The following CHSY3 variants were observed in gnomAD, a reference collection of about 807,000 sequenced individuals.
The protein encoded by CHSY3 is chondroitin sulfate synthase 3.
In CHSY3, 35 loss-of-function variants were observed where a neutral mutation model predicts 67.2. The ratio of observed to expected loss-of-function variants is 0.52; its 90% CI spans 0.40 to 0.69. The LOEUF (loss-of-function observed/expected upper bound fraction) is 0.69. Among genes scored for constraint, CHSY3 ranks in the 30% least tolerant of loss-of-function variants. The pLI, the probability that CHSY3 is intolerant of heterozygous loss-of-function variation, is 0.00. For synonymous variants in CHSY3, 474 were observed against 434.7 expected (o/e 1.09, Z -1.12); for missense variants, 1,069 against 1,138.5 (o/e 0.94, Z 0.88).
chr5:130,068,647 G>GT (rs2149680439), intron 2 of CHSY3, among the ~76,000 whole-genome samples: 1 of 152,192 alleles, frequency 6.6e-6, no homozygotes, highest in South Asian at 2.1e-4. Flanking sequence ...ATAGGAATAA[G>GT]TACCGTATAG....
At chr5:130,094,241 G>A (rs1470583914) in intron 2 of CHSY3, among the ~76,000 whole-genome samples, 1 of 151,890 alleles carries the variant, frequency 6.6e-6, no homozygotes, top group Non-Finnish European at 1.5e-5. Context: ...AACTTCTTAA[G>A]AAACTCTAAA....
intron 2 of CHSY3, among the ~76,000 whole-genome samples, chr5:130,043,752 C>T (rs1161446326): frequency 9.4e-6 from 1 of 106,774 alleles, no homozygotes. Flanking sequence ...AAACACCTGA[C>T]GTGTGCATAT....
intron 2 of CHSY3, among the ~76,000 whole-genome samples, chr5:130,104,996 A>G (rs1767370577): frequency 6.6e-6 from 1 of 151,650 alleles, no homozygotes; most frequent in African/African-American, 2.4e-5. Context: ...TTAGACTGAT[A>G]GACAGTCAGG....
intron 2 of CHSY3, among the ~76,000 whole-genome samples, chr5:129,921,001 G>T (rs915038351): frequency 6.6e-6 from 1 of 151,936 alleles, no homozygotes; most frequent in Non-Finnish European, 1.5e-5. Flanking sequence ...TTATTTTTTT[G>T]TAGTGACGTG....
chr5:130,148,757 A>G (rs966414034), intron 2 of CHSY3, among the ~76,000 whole-genome samples: 1 of 151,188 alleles, frequency 6.6e-6, no homozygotes, highest in Non-Finnish European at 1.5e-5. Flanking sequence ...TTGTTTTTTT[A>G]TTGTAAATTT....
chr5:129,963,864 C>A (rs1762401922), intron 2 of CHSY3, among the ~76,000 whole-genome samples: 1 of 151,430 alleles, frequency 6.6e-6, no homozygotes, highest in South Asian at 2.1e-4. Context: ...ATATATGTAT[C>A]TGTGTATATA....
At chr5:130,157,758 A>AAAGAATGGCTACTCCATAGG (rs71000952) in intron 2 of CHSY3, among the ~76,000 whole-genome samples, 143,616 of 152,230 alleles carry the variant, frequency 0.94, 67,849 homozygotes, top group East Asian at 1. Flanking sequence ...TAAAGAAATA[A>AAAGAATGGCTACTCCATAGG]CTGAGCAGTG....
intron 2 of CHSY3, among the ~76,000 whole-genome samples, chr5:130,068,281 C>T (rs1765949386): frequency 6.6e-6 from 1 of 152,236 alleles, no homozygotes; most frequent in Admixed American, 6.6e-5. Flanking sequence ...GGAATATCCA[C>T]TAATTGCCCA....
intron 2 of CHSY3, among the ~76,000 whole-genome samples, chr5:130,066,746 G>A (rs1245548893): frequency 6.6e-6 from 1 of 152,088 alleles, no homozygotes; most frequent in African/African-American, 2.4e-5. Flanking sequence ...CATCTACTCT[G>A]AGTATTTAGG....
chr5:130,114,953 G>A (rs1406572010), intron 2 of CHSY3, among the ~76,000 whole-genome samples: 1 of 152,028 alleles, frequency 6.6e-6, no homozygotes, highest in Non-Finnish European at 1.5e-5. Context: ...TTTGTCCTAG[G>A]TCTTTAACTA....
At chr5:130,075,371 C>A (rs916178040) in intron 2 of CHSY3, among the ~76,000 whole-genome samples, 1 of 152,200 alleles carries the variant, frequency 6.6e-6, no homozygotes, top group Non-Finnish European at 1.5e-5. Flanking sequence ...GGTCTCTAGT[C>A]ATATATTATA....
chr5:129,915,562 C>T (rs1310530515), intron 2 of CHSY3, among the ~76,000 whole-genome samples: 1 of 152,138 alleles, frequency 6.6e-6, no homozygotes, highest in African/African-American at 2.4e-5. Flanking sequence ...TTTTACTCAA[C>T]CTTTGTAATT....
intron 2 of CHSY3, among the ~76,000 whole-genome samples, chr5:130,105,323 G>A (rs1424315571): frequency 6.6e-6 from 1 of 151,678 alleles, no homozygotes; most frequent in Non-Finnish European, 1.5e-5. Flanking sequence ...CTACCAGAGT[G>A]TTTCCCTGAG....
chr5:130,060,663 A>G (rs28877100), intron 2 of CHSY3, among the ~76,000 whole-genome samples: 7,302 of 152,188 alleles, frequency 0.048, 579 homozygotes, highest in African/African-American at 0.16. Context: ...TAGAGAAGCT[A>G]AAGACTCCTC....
intron 2 of CHSY3, among the ~76,000 whole-genome samples, chr5:129,952,864 A>C (rs902832882): frequency 6.6e-6 from 1 of 152,222 alleles, no homozygotes; most frequent in Non-Finnish European, 1.5e-5. Context: ...TTTAATCATC[A>C]AACACTGTAA....
At chr5:130,067,466 TCTCAAACAG>T in intron 2 of CHSY3, among the ~76,000 whole-genome samples, 2 of 152,266 alleles carry the variant, frequency 1.3e-5, no homozygotes, top group South Asian at 4.1e-4. Flanking sequence ...TCTCCCAACT[TCTCAAACAG>T]CTGTGTAATG....
chr5:129,952,887 TG>T (rs1476453297), intron 2 of CHSY3, among the ~76,000 whole-genome samples: 1 of 152,246 alleles, frequency 6.6e-6, no homozygotes, highest in African/African-American at 2.4e-5. Context: ...TGAATATTAT[TG>T]TCCCCATTTT....
At chr5:130,048,545 T>C (rs1218043190) in intron 2 of CHSY3, among the ~76,000 whole-genome samples, 2 of 152,024 alleles carry the variant, frequency 1.3e-5, no homozygotes, top group African/African-American at 4.8e-5. Flanking sequence ...AAGAATTTGA[T>C]AGGGCAGAGC....
chr5:129,956,945 G>A (rs909020933), intron 2 of CHSY3, among the ~76,000 whole-genome samples: 6 of 151,760 alleles, frequency 4.0e-5, no homozygotes, highest in Admixed American at 1.3e-4. Context: ...TTGGCTATTC[G>A]GGCTATTTTT....
Sources: allele counts gnomAD v4.1 joint callset (sites outside exome capture counted in the v4.1 genomes callset), GRCh38; gene constraint gnomAD v4.1.1; transcripts MANE v1.5; gene names NCBI Gene and HGNC (gene_info 2026-07-23, HGNC 2026-07-21).